Variants in ATXN7L1 observed in about 807,000 individuals in gnomAD.
ATXN7L1 encodes ataxin 7 like 1.
In ATXN7L1, 15 loss-of-function variants were observed where a neutral mutation model predicts 70.8. The observed-to-expected ratio is 0.21, with a 90% CI of 0.14 to 0.33. The LOEUF (loss-of-function observed/expected upper bound fraction) is 0.33. Ranked by LOEUF, ATXN7L1 falls within the 10% of genes least tolerant of loss-of-function variation. ATXN7L1 has a pLI of 1.00. For missense variants in ATXN7L1, 975 were observed against 1,097.1 expected (o/e 0.89, Z 1.57); for synonymous variants, 440 against 445.1 (o/e 0.99, Z 0.14).
rs531447964 is a variant in ATXN7L1, at chr7:105,762,932, G to A, written c.355+25672C>T. On this transcript the variant is annotated intron_variant, in intron 3 of 11. Coordinates refer to ENST00000419735, the MANE Select transcript of ATXN7L1 (RefSeq NM_020725.2). ...GGGAGGCCTAAGGTACTGAGCACCA[G>A]GAACTGAGGCCTCCAGCCAACAGCC... 2.6e-5 allele frequency among the ~76,000 whole-genome samples: 4 copies of A among 152,276 alleles called. No individual in the cohort carries two copies. The South Asian group carries it at 6.2e-4, about 24-fold the overall frequency.
Position 105,643,020 on chromosome 7 carries a change from G to A in ATXN7L1, c.680C>T (p.Ala227Val). ...MNSTTTTAVS[A>V]SSTSSSAVST... The stretch of plus-strand genomic sequence containing the variant: ...GACGGCAGAGGACGAGGTGGAGGAG[G>A]CAGAAACTGCAGTAGTGGTTGTGGA... The change falls in exon 5 of 12, where the codon GCC becomes GTC. Residue 227 changes from alanine to valine, a missense_variant. By Grantham distance (64) the Ala-to-Val change is moderately conservative. This residue lies in a region of ATXN7L1 where 192 missense variants were observed against 215.5 expected (regional missense o/e 0.89). Transcript: ENST00000419735. 6.4e-7 allele frequency: 1 copy of A among 1,551,772 alleles called. No homozygotes were observed. The highest frequency in any genetic ancestry group is 8.7e-7 in the Non-Finnish European group (1 of 1,147,012).
intron 2 of ATXN7L1, among the ~76,000 whole-genome samples, chr7:105,797,172 T>C (rs973711003): frequency 6.6e-6 from 1 of 152,166 alleles, no homozygotes; most frequent in African/African-American, 2.4e-5. Flanking sequence ...TGCAAACCAA[T>C]GGCTAAAATG....
At chr7:105,727,757 T>TA in intron 3 of ATXN7L1, among the ~76,000 whole-genome samples, 1 of 86,876 alleles carries the variant, frequency 1.2e-5, no homozygotes, top group South Asian at 5.0e-4. Context: ...TATATATATA[T>TA]ATATATATAT....
intron 2 of ATXN7L1, among the ~76,000 whole-genome samples, chr7:105,861,922 G>C (rs1278702161): frequency 1.3e-5 from 2 of 152,206 alleles, no homozygotes; most frequent in Non-Finnish European, 2.9e-5. Context: ...TACCGGGTTT[G>C]TGTTCTGCCA....
rs533366742 is a variant in ATXN7L1 at position 105,772,063 on chromosome 7, A to ATTTTTT, written c.355+16535_355+16540dup. Among the ~76,000 whole-genome samples, 43 of 99,826 alleles carry ATTTTTT rather than the reference A, an allele frequency of 4.3e-4. 2 individuals carry two copies. The East Asian group carries it at 6.4e-3, about 15-fold the overall frequency. 65.5% of individuals were successfully genotyped at this position (99,826 alleles called of 152,430 possible). ...TATTAAAAGACAATATCAGATTGGA[A>ATTTTTT]TTTTTTTTTTTTTTTTTTTTTTTTT... is the stretch of plus-strand genomic sequence containing the variant. On this transcript the variant is annotated intron_variant, in intron 3 of 11. Coordinates refer to ENST00000419735, the MANE Select transcript of ATXN7L1 (RefSeq NM_020725.2).
chr7:105,770,298 G>T (rs957703952), intron 3 of ATXN7L1, among the ~76,000 whole-genome samples: 1 of 152,204 alleles, frequency 6.6e-6, no homozygotes, highest in Admixed American at 6.5e-5. Flanking sequence ...TTTACTCAGC[G>T]CTGTAAATTA....
At chr7:105,782,884 T>A (rs1803738561) in intron 3 of ATXN7L1, among the ~76,000 whole-genome samples, 1 of 152,184 alleles carries the variant, frequency 6.6e-6, no homozygotes, top group South Asian at 2.1e-4. Flanking sequence ...AGCGTGCACA[T>A]CCTCTGAGAC....
Position 105,624,637 on chromosome 7 carries a change from A to G in ATXN7L1, c.1203-370T>C, listed in dbSNP as rs771516665. On this transcript the variant is annotated intron_variant, in intron 7 of 11. Coordinates refer to ENST00000419735, the MANE Select transcript of ATXN7L1 (RefSeq NM_020725.2). The stretch of plus-strand genomic sequence containing the variant: ...TGCACTCCAGCCTGGGCGACAGAGC[A>G]AGACTCTGTCTCAAAAAAAAAAAAA... Among the ~76,000 whole-genome samples the G allele has an allele frequency of 2.2e-3, 259 of 118,754 alleles. 1 individual carries two copies. Among genetic ancestry groups the G allele is most frequent in the Middle Eastern group, 4.0e-3 (1 of 250 alleles). The allele number at this position is 118,754 out of a possible 152,430, so 77.9% of individuals were successfully genotyped here.
intron 3 of ATXN7L1, among the ~76,000 whole-genome samples, chr7:105,773,793 A>T (rs948420823): frequency 4.6e-5 from 7 of 152,248 alleles, no homozygotes; most frequent in African/African-American, 1.7e-4. Flanking sequence ...AAAGGATGGA[A>T]CGCAGGATCG....
intron 3 of ATXN7L1, among the ~76,000 whole-genome samples, chr7:105,783,617 A>G (rs190369197): frequency 1.3e-5 from 2 of 152,298 alleles, no homozygotes; most frequent in East Asian, 3.9e-4. Context: ...ACACATCCAC[A>G]TGCTGGGAGG....
chr7:105,639,084 G>A (rs1352396634), intron 6 of ATXN7L1, among the ~76,000 whole-genome samples: 1 of 152,112 alleles, frequency 6.6e-6, no homozygotes, highest in Admixed American at 6.5e-5. Flanking sequence ...GGCCACCCCG[G>A]TGTGGCTGGA....
intron 3 of ATXN7L1, among the ~76,000 whole-genome samples, chr7:105,737,886 C>T (rs956651655): frequency 1.3e-5 from 2 of 152,102 alleles, no homozygotes; most frequent in Non-Finnish European, 2.9e-5. Flanking sequence ...GGCCCAGAGA[C>T]TTGGGGCCAT....
chr7:105,642,356 C>G (rs915165707), intron 5 of ATXN7L1, among the ~76,000 whole-genome samples: 2 of 152,212 alleles, frequency 1.3e-5, no homozygotes, highest in Admixed American at 6.5e-5. Flanking sequence ...AACCTGGAAA[C>G]TCCCGAGGCC....
intron 2 of ATXN7L1, among the ~76,000 whole-genome samples, chr7:105,873,150 T>A (rs2116683689): frequency 9.6e-6 from 1 of 103,976 alleles, no homozygotes; most frequent in African/African-American, 4.0e-5. Flanking sequence ...CAAGACTCCG[T>A]CTCAAAAAAA....
chr7:105,857,428 T>C (rs1434844492), intron 2 of ATXN7L1, among the ~76,000 whole-genome samples: 4 of 152,204 alleles, frequency 2.6e-5, no homozygotes, highest in Non-Finnish European at 4.4e-5. Context: ...AGGGCCACTG[T>C]TCCACCTTCA....
At chr7:105,844,592 T>C (rs1194642587) in intron 2 of ATXN7L1, among the ~76,000 whole-genome samples, 1 of 152,206 alleles carries the variant, frequency 6.6e-6, no homozygotes, top group Non-Finnish European at 1.5e-5. Flanking sequence ...TGATAAAGTG[T>C]ATTTATGAAA....
intron 3 of ATXN7L1, among the ~76,000 whole-genome samples, chr7:105,689,589 C>T (rs1310299013): frequency 6.6e-6 from 1 of 152,144 alleles, no homozygotes; most frequent in Non-Finnish European, 1.5e-5. Context: ...CCAACACACA[C>T]CTCAAGCTTG....
At chr7:105,780,522 G>C (rs117085055) in intron 3 of ATXN7L1, among the ~76,000 whole-genome samples, 2,224 of 151,916 alleles carry the variant, frequency 0.015, 32 homozygotes, top group Non-Finnish European at 0.02. Context: ...CTTGTCTATT[G>C]AATGACATCC....
chr7:105,654,010 A>G (rs1302807562), intron 4 of ATXN7L1, among the ~76,000 whole-genome samples: 1 of 152,050 alleles, frequency 6.6e-6, no homozygotes, highest in Admixed American at 6.5e-5. Flanking sequence ...TTCTACATCT[A>G]TGTGTCCTGA....
Sources: gnomAD v4.1 joint callset for allele counts (sites outside exome capture counted in the v4.1 genomes callset) on GRCh38, gnomAD v4.1.1 for gene constraint, gnomAD v4.1.1 regional missense constraint, MANE v1.5 for transcripts, NCBI Gene and HGNC (gene_info 2026-07-23, HGNC 2026-07-21) for gene names.